The following SI variants were observed in gnomAD, a reference collection of about 807,000 sequenced individuals.
The protein encoded by SI is sucrase-isomaltase, also known as sucrase-isomaltase, intestinal.
SI carries 235 observed loss-of-function variants against 253.3 expected under a neutral mutation model. The observed-to-expected ratio is 0.93, with a 90% CI of 0.83 to 1.03. The LOEUF (loss-of-function observed/expected upper bound fraction) is 1.03. Ranked by LOEUF, SI falls within the 50% of genes least tolerant of loss-of-function variation. The pLI is 0.00. For missense variants in SI, 2,442 were observed against 2,211.1 expected, an observed-to-expected ratio of 1.10 and a Z score of -2.09; for synonymous variants, 819 against 712.0, an observed-to-expected ratio of 1.15 and a Z score of -2.39.
At position 165,074,539 on chromosome 3, in the gene SI, G is replaced by T. The variant is rs373958950; in HGVS notation, c.247C>A (p.Pro83Thr). 9.4e-6 allele frequency: 15 copies of T among 1,602,900 alleles called. 1 individual carries two copies. The South Asian group carries it at 1.5e-4, about 16-fold the overall frequency. The change falls in exon 3 of 48, where the codon CCA (proline) becomes ACA (threonine). Residue 83 changes from proline (P) to threonine (T), a missense_variant. Transcript: ENST00000264382. ...VRINCIPEQF[P>T]TEGICAQRGC... ...AGACTTTTGCTGCAGACCTCTGTTG[G>T]GAATTGTTCTGGAATGCAGTTTATT...
upstream of SI, among the ~76,000 whole-genome samples, chr3:165,082,431 A>C: frequency 6.6e-6 from 1 of 151,894 alleles, no homozygotes; most frequent in East Asian, 1.9e-4. Context: ...ACCACAAAAT[A>C]ATTCAACTCA....
chr3:165,048,264 C>A (rs1713230174), intron 15 of SI, among the ~76,000 whole-genome samples: 1 of 151,766 alleles, frequency 6.6e-6, no homozygotes, highest in Non-Finnish European at 1.5e-5. Context: ...ATAAACAATG[C>A]TTGAAAATTA....
intron 13 of SI, among the ~76,000 whole-genome samples, chr3:165,054,559 T>C (rs1260263677): frequency 6.6e-6 from 1 of 152,112 alleles, no homozygotes; most frequent in Non-Finnish European, 1.5e-5. Context: ...TTCACCATGT[T>C]GGTCGGGCTG....
At chr3:165,057,767 A>G (rs1450725651) in intron 12 of SI, among the ~76,000 whole-genome samples, 3 of 152,062 alleles carry the variant, frequency 2.0e-5, no homozygotes, top group African/African-American at 7.2e-5. Flanking sequence ...CAAACATGGA[A>G]AAGAAATATA....
Position 165,030,874 on chromosome 3 carries a change from A to T in SI, c.2737-7T>A, listed in dbSNP as rs1712194968. The T allele has an allele frequency of 6.8e-7, 1 of 1,465,896 alleles. No individual in the cohort carries two copies. The allele number at this position is 1,465,896 out of a possible 1,614,324, so 90.8% of individuals were successfully genotyped here. Reference sequence around the variant, plus strand: ...GATCTGCAATTAGGAGAACCTTTGAAGACAAAAAAAAAAAAAGAAAAAAAG... The same window carrying T: ...GATCTGCAATTAGGAGAACCTTTGATGACAAAAAAAAAAAAAGAAAAAAAG... On this transcript the variant is annotated splice_polypyrimidine_tract_variant and splice_region_variant and intron_variant, in intron 24 of 47. Transcript: ENST00000264382.
At chr3:164,993,599 G>A (rs16848834) in intron 41 of SI, among the ~76,000 whole-genome samples, 37,451 of 151,164 alleles carry the variant, frequency 0.25, 7,909 homozygotes, top group African/African-American at 0.58. Flanking sequence ...GTGATTATTC[G>A]GGGTTTTTTT....
intron 32 of SI, 96 bp from the exon 33 acceptor site, chr3:165,015,329 C>T (rs1718974749): frequency 2.0e-5 from 16 of 783,816 alleles, no homozygotes; most frequent in South Asian, 1.9e-4. Context: ...ACTACATTAT[C>T]ATAATAATGT....
intron 3 of SI, 97 bp from the exon 4 acceptor site, chr3:165,069,292 A>T: frequency 1.1e-6 from 1 of 872,838 alleles, no homozygotes; most frequent in Non-Finnish European, 1.9e-6. Flanking sequence ...AAATAATCTA[A>T]CTTTTTCAAA....
At chr3:165,065,953 T>C (rs1013356703) in intron 6 of SI, among the ~76,000 whole-genome samples, 2 of 151,932 alleles carry the variant, frequency 1.3e-5, no homozygotes, top group African/African-American at 4.8e-5. Flanking sequence ...TTATGATTTG[T>C]ATGCTTTTAT....
intron 32 of SI, among the ~76,000 whole-genome samples, chr3:165,015,600 A>G (rs938858960): frequency 1.3e-5 from 2 of 152,154 alleles, no homozygotes; most frequent in Admixed American, 1.3e-4. Context: ...GAAAAACATC[A>G]GAAGCAATCC....
Position 165,062,441 on chromosome 3 carries a change from G to T in SI, c.950C>A (p.Thr317Asn). Reference protein sequence around the residue: ...QPTPIVTYRVTGGILDFYILL... With the variant: ...QPTPIVTYRVNGGILDFYILL... ...GATGTAAAAATCCAGAATGCCACCG[G>T]TAACTCTATATGTTACTATTGGAGT... The change falls in exon 9 of 48, where the codon ACC becomes AAC. Residue 317 changes from threonine to asparagine, a missense_variant. Thr to Asn is a moderately conservative substitution (Grantham distance 65). Coordinates refer to ENST00000264382, the MANE Select transcript of SI (RefSeq NM_001041.4). The T allele has an allele frequency of 6.2e-7, 1 of 1,605,542 alleles. No individual in the cohort carries two copies. Among genetic ancestry groups the T allele is most frequent in the Middle Eastern group, 1.7e-4 (1 of 5,976 alleles).
intron 43 of SI, among the ~76,000 whole-genome samples, 197 bp downstream of exon 43, chr3:164,991,980 A>C (rs1030363461): frequency 1.3e-5 from 2 of 152,144 alleles, no homozygotes. Flanking sequence ...CAATGACTAC[A>C]TAACAAACTG....
rs1413972926 is a variant in SI at position 164,985,138 on chromosome 3, A to T, written c.5197+2000T>A. On this transcript the variant is annotated intron_variant, in intron 45 of 47. Coordinates refer to ENST00000264382, the MANE Select transcript of SI (RefSeq NM_001041.4). Reference sequence around the variant, plus strand: ...TACAAAAAGTCTGCCATGAAACTTGAATAGGGTAAAGTCCACACCAAATGT... The same window carrying T: ...TACAAAAAGTCTGCCATGAAACTTGTATAGGGTAAAGTCCACACCAAATGT... 2.0e-5 allele frequency among the ~76,000 whole-genome samples: 3 copies of T among 152,180 alleles called. No homozygotes were observed. In the South Asian group the frequency reaches 6.2e-4, roughly 32 times the overall value.
In SI at chr3:165,035,487, T is replaced by C. The variant is rs142360844; in HGVS notation, c.2515+902A>G. ...GAATGTAAGTCTTAGGAGAGAATTATAGAATCCTGTGGTAATTTTTAAATA... is the reference window on the plus strand; with the variant it reads ...GAATGTAAGTCTTAGGAGAGAATTACAGAATCCTGTGGTAATTTTTAAATA... On this transcript the variant is annotated intron_variant, in intron 22 of 47. Transcript: ENST00000264382. 3.3e-3 allele frequency among the ~76,000 whole-genome samples: 497 copies of C among 151,832 alleles called. 2 individuals are homozygous for C. Among genetic ancestry groups the C allele is most frequent in the African/African-American group, 0.011 (477 of 41,518 alleles).
intron 12 of SI, among the ~76,000 whole-genome samples, chr3:165,057,672 G>A (rs1202794129): frequency 6.6e-6 from 1 of 150,520 alleles, no homozygotes; most frequent in Non-Finnish European, 1.5e-5. Flanking sequence ...CCAGGAGAGA[G>A]TGGCATGACA....
intron 3 of SI, among the ~76,000 whole-genome samples, chr3:165,073,008 C>A (rs1289880491): frequency 6.6e-6 from 1 of 152,100 alleles, no homozygotes; most frequent in Non-Finnish European, 1.5e-5. Flanking sequence ...TAGTTTATTT[C>A]ACACTGAAAA....
At chr3:165,069,244 T>A in intron 3 of SI, 49 bp from the exon 4 acceptor site, 1 of 1,182,120 alleles carries the variant, frequency 8.5e-7, no homozygotes, top group Non-Finnish European at 1.3e-6. Context: ...TATTATCAGA[T>A]GTCCCAGTCT....
At chr3:165,076,978 GTTT>G (rs770851693) in intron 1 of SI, among the ~76,000 whole-genome samples, 2 of 106,898 alleles carry the variant, frequency 1.9e-5, no homozygotes. Context: ...ATCACGGTTT[GTTT>G]TTTTTTTTTT....
At chr3:165,004,993 T>C (rs940881889) in intron 37 of SI, among the ~76,000 whole-genome samples, 3 of 152,058 alleles carry the variant, frequency 2.0e-5, no homozygotes, top group Non-Finnish European at 2.9e-5. Context: ...AGCTGATGGT[T>C]TTAAAGTATG....
Sources: allele counts gnomAD v4.1 joint callset (sites outside exome capture counted in the v4.1 genomes callset), GRCh38; gene constraint gnomAD v4.1.1; transcripts MANE v1.5; gene names NCBI Gene and HGNC (gene_info 2026-07-23, HGNC 2026-07-21).